The following COL6A2 variants were observed in gnomAD, a reference collection of about 807,000 sequenced individuals.
The protein encoded by COL6A2 is collagen alpha-2(VI) chain.
In COL6A2, 90 loss-of-function variants were observed where a neutral mutation model predicts 124.9. The observed-to-expected ratio is 0.72, with a 90% CI of 0.61 to 0.86. COL6A2 has a LOEUF of 0.86. Ranked by LOEUF, COL6A2 falls within the 40% of genes least tolerant of loss-of-function variation. COL6A2 has a pLI of 0.00. For synonymous variants in COL6A2, 793 were observed against 618.2 expected, an observed-to-expected ratio of 1.28 and a Z score of -4.19; for missense variants, 1,607 against 1,502.5, an observed-to-expected ratio of 1.07 and a Z score of -1.15.
chr21:46,132,199 GAGGCGCTGGAGACCACA>G lies in COL6A2; in HGVS notation c.2708_2724del (p.Glu903AlafsTer84), dbSNP rs1568947646. 3.2e-6 allele frequency: 5 copies of G among 1,580,846 alleles called. No individual in the cohort carries two copies. The highest frequency in any genetic ancestry group is 4.3e-6 in the Non-Finnish European group (5 of 1,164,702). ...GAGCCACAACCTCACGGCCATCCAC[GAGGCGCTGGAGACCACA>G]CAATACCTGAACTCCTTCTCGCACG... On this transcript the variant is annotated frameshift_variant, in exon 28 of 28. Coordinates refer to ENST00000300527, the MANE Select transcript of COL6A2 (RefSeq NM_001849.4). LOFTEE classifies it high-confidence loss of function.
chr21:46,128,282 C>A (rs528853486), intron 27 of COL6A2, among the ~76,000 whole-genome samples: 10 of 152,344 alleles, frequency 6.6e-5, no homozygotes, highest in African/African-American at 2.4e-4. Context: ...GGCAGAACCC[C>A]TCCCCTCCTC....
intron 24 of COL6A2, 68 bp from the exon 25 acceptor site, chr21:46,125,397 G>A: frequency 1.2e-6 from 2 of 1,608,302 alleles, no homozygotes; most frequent in South Asian, 1.1e-5. Flanking sequence ...GCTGGGTCCT[G>A]CATGTGCACG....
At chr21:46,123,059 C>T in intron 21 of COL6A2, 122 bp downstream of exon 21, 3 of 945,068 alleles carry the variant, frequency 3.2e-6, no homozygotes, top group Non-Finnish European at 3.4e-6. Context: ...GCCATGAGCA[C>T]CACCCCCACC....
Position 46,116,630 on chromosome 21 carries a change from G to T in COL6A2, c.928-21G>T, listed in dbSNP as rs779711923. 3 of 1,612,818 alleles carry T rather than the reference G, an allele frequency of 1.9e-6. No homozygotes were observed. The highest frequency in any genetic ancestry group is 2.5e-6 in the Non-Finnish European group (3 of 1,180,018). On this transcript the variant is annotated intron_variant, in intron 8 of 27. Coordinates refer to ENST00000300527, the MANE Select transcript of COL6A2 (RefSeq NM_001849.4). The surrounding 1 kb of genome is among the most constrained non-coding windows in gnomAD (Gnocchi z 4.6). ...TGCTTTGAGGCACCGAGCTCACTGC[G>T]CCGGCTTTCCTCCTACACAGGGTGA...
At chr21:46,113,029 G>T in intron 4 of COL6A2, 1 of 656,878 alleles carries the variant, frequency 1.5e-6, no homozygotes, top group Non-Finnish European at 2.6e-6. Context: ...GTGAGGGTCA[G>T]CGTTAGGGTC....
intron 27 of COL6A2, among the ~76,000 whole-genome samples, chr21:46,131,364 A>G (rs1003267164): frequency 3.3e-5 from 5 of 152,208 alleles, no homozygotes; most frequent in African/African-American, 1.2e-4. Flanking sequence ...TAACAGAGTC[A>G]TAGGGCAGAA....
intron 5 of COL6A2, among the ~76,000 whole-genome samples, chr21:46,115,160 G>A (rs1325992381): frequency 6.6e-6 from 1 of 152,192 alleles, no homozygotes; most frequent in Non-Finnish European, 1.5e-5. Context: ...CGTTCTGTTG[G>A]GGGGGCCACT....
intron 27 of COL6A2, among the ~76,000 whole-genome samples, chr21:46,130,353 A>C (rs1601262330): frequency 1.3e-5 from 2 of 152,152 alleles, no homozygotes; most frequent in African/African-American, 4.8e-5. Context: ...AGCGGCAGGG[A>C]TCACCATCCA....
rs1046989189 is a variant in COL6A2, at chr21:46,132,381, C to T, written c.2889C>T (p.Ser963=). The T allele has an allele frequency of 1.2e-6, 2 of 1,609,308 alleles. No homozygotes were observed. The highest frequency in any genetic ancestry group is 2.7e-5 in the African/African-American group (2 of 74,922). ...GNDSLHESAH[S]MRKQNVVPTV... ...ACAGTCTGCACGAGTCGGCGCACTC[C>T]ATGCGCAAGCAGAACGTGGTACCCA... Residue 963 remains serine (S), a synonymous_variant, in exon 28 of 28, where the codon TCC becomes TCT. Coordinates refer to ENST00000300527, the MANE Select transcript of COL6A2 (RefSeq NM_001849.4).
At chr21:46,121,842 T>C (rs1601238823) in intron 18 of COL6A2, among the ~76,000 whole-genome samples, 1 of 152,220 alleles carries the variant, frequency 6.6e-6, no homozygotes, top group Middle Eastern at 3.4e-3. Flanking sequence ...GGCACATCCT[T>C]CCTGAGGCAG....
intron 19 of COL6A2, 51 bp downstream of exon 19, chr21:46,122,209 C>T (rs185891824): frequency 5.0e-6 from 8 of 1,593,628 alleles, no homozygotes; most frequent in African/African-American, 1.3e-5. Flanking sequence ...GACATTGTCC[C>T]AAGGGCCCTG....
rs369943351 is a variant in COL6A2 at position 46,125,772 on chromosome 21, G to A, written c.1970-13G>A. The A allele has an allele frequency of 1.4e-4, 231 of 1,610,596 alleles. No homozygotes were observed. Among genetic ancestry groups the A allele is most frequent in the Middle Eastern group, 8.2e-4 (5 of 6,080 alleles). On this transcript the variant is annotated splice_polypyrimidine_tract_variant and intron_variant, in intron 25 of 27. Coordinates refer to ENST00000300527, the MANE Select transcript of COL6A2 (RefSeq NM_001849.4). ...GAGGCCTCTGGCAACGACCTCACGCGTGCGGCTTGCAGGGACGCGTGTGGG... is the reference window on the plus strand; with the variant it reads ...GAGGCCTCTGGCAACGACCTCACGCATGCGGCTTGCAGGGACGCGTGTGGG...
chr21:46,115,335 C>T (rs945494563), intron 5 of COL6A2, among the ~76,000 whole-genome samples: 2 of 152,242 alleles, frequency 1.3e-5, no homozygotes, highest in Non-Finnish European at 2.9e-5. Context: ...AATTCTTCCC[C>T]TTTCCTCTGC....
At chr21:46,124,499 G>C in intron 21 of COL6A2, 152 bp from the exon 22 acceptor site, 1 of 677,846 alleles carries the variant, frequency 1.5e-6, no homozygotes, top group Admixed American at 2.4e-5. Context: ...CATAGGGAAG[G>C]AGGAGGCACA....
chr21:46,126,601 C>G, intron 27 of COL6A2, 60 bp downstream of exon 27: 1 of 1,604,454 alleles, frequency 6.2e-7, no homozygotes. Flanking sequence ...GGTGTCCTTC[C>G]TCCTCGAGGG....
At chr21:46,123,700 G>GGTGGATGGATGGATGA (rs2078605243) in intron 21 of COL6A2, among the ~76,000 whole-genome samples, 1 of 150,206 alleles carries the variant, frequency 6.7e-6, no homozygotes, top group Non-Finnish European at 1.5e-5. Flanking sequence ...TGGGTAGGTG[G>GGTGGATGGATGGATGA]GTAGATGGAT....
At position 46,125,327 on chromosome 21, in the gene COL6A2, CGGCAGGGTCG is replaced by C. The variant is rs1568939266; in HGVS notation, c.1816+19_1816+28del. On this transcript the variant is annotated intron_variant, in intron 24 of 27. Transcript: ENST00000300527. The stretch of plus-strand genomic sequence containing the variant: ...GGGTGCTGCGGTGAGGCACTGCCCA[CGGCAGGGTCG>C]GGGCCCATGCACCGGGTGGAGGGCG... 1.2e-6 allele frequency: 2 copies of C among 1,608,208 alleles called. No individual in the cohort carries two copies. The highest frequency in any genetic ancestry group is 3.3e-5 in the Admixed American group (2 of 59,744).
chr21:46,125,707 C>G, intron 25 of COL6A2, 78 bp from the exon 26 acceptor site: 2 of 1,593,432 alleles, frequency 1.3e-6, no homozygotes, highest in Non-Finnish European at 1.7e-6. Context: ...CGCGTCCCTC[C>G]AACGAGGGCC....
chr21:46,123,743 GATGGCTGA>G (rs2078606444), intron 21 of COL6A2, among the ~76,000 whole-genome samples: 1 of 133,002 alleles, frequency 7.5e-6, no homozygotes, highest in Non-Finnish European at 1.8e-5. Context: ...TTAGATGATG[GATGGCTGA>G]ATGGATGAGT....
Sources: gnomAD v4.1 joint callset for allele counts (sites outside exome capture counted in the v4.1 genomes callset) on GRCh38, gnomAD v4.1.1 for gene constraint, Gnocchi (gnomAD v3.1) non-coding constraint, MANE v1.5 for transcripts, NCBI Gene and HGNC (gene_info 2026-07-23, HGNC 2026-07-21) for gene names.